DPP6: variants seen among roughly 807,000 people sequenced by gnomAD.
DPP6 encodes the protein dipeptidyl peptidase like 6, also known as A-type potassium channel modulatory protein DPP6.
A neutral mutation model predicts 122.6 loss-of-function variants in DPP6; 69 were observed. That is an observed-to-expected ratio of 0.56 (90% CI 0.46 to 0.69). The LOEUF (loss-of-function observed/expected upper bound fraction) is 0.69, where lower values mean the gene tolerates loss of function less well. Ranked by LOEUF, DPP6 falls within the 30% of genes least tolerant of loss-of-function variation. The pLI, the probability that DPP6 is intolerant of heterozygous loss-of-function variation, is 0.00. For synonymous variants in DPP6, 418 were observed against 433.1 expected, an observed-to-expected ratio of 0.97 and a Z score of 0.43; for missense variants, 928 against 1,116.9, an observed-to-expected ratio of 0.83 and a Z score of 2.41.
chr7:154,540,468 C>T (rs1438365457), intron 3 of DPP6, 64 bp from the exon 4 acceptor site: 15 of 1,003,526 alleles, frequency 1.5e-5, no homozygotes, highest in African/African-American at 9.7e-5. Context: ...CATAAGCATT[C>T]GTCAAAAGTT....
At chr7:154,779,320 C>T in intron 10 of DPP6, among the ~76,000 whole-genome samples, 2 of 149,818 alleles carry the variant, frequency 1.3e-5, no homozygotes, top group Non-Finnish European at 3.0e-5. Flanking sequence ...CCACCATCGC[C>T]TCCACCACCA....
At chr7:154,134,469 T>C (rs1404095557) in intron 1 of DPP6, among the ~76,000 whole-genome samples, 2 of 152,270 alleles carry the variant, frequency 1.3e-5, no homozygotes, top group Non-Finnish European at 2.9e-5. Context: ...TGACTCCCGA[T>C]GTGCTCCTTC....
At chr7:154,090,938 G>C (rs991708498) in intron 1 of DPP6, among the ~76,000 whole-genome samples, 1 of 149,184 alleles carries the variant, frequency 6.7e-6, no homozygotes, top group African/African-American at 2.5e-5. Flanking sequence ...GGCTAACACA[G>C]TGAAACCCCG....
At chr7:153,800,214 A>G in the DPP6 span, among the ~76,000 whole-genome samples, 51 of 152,366 alleles carry the variant, frequency 3.3e-4, no homozygotes, top group African/African-American at 1.2e-3. Flanking sequence ...TACCATATAT[A>G]TACACACAAT....
intron 16 of DPP6, among the ~76,000 whole-genome samples, chr7:154,829,436 A>G (rs55964841): frequency 0.82 from 91,951 of 112,418 alleles, 37,524 homozygotes; most frequent in Non-Finnish European, 0.84. Flanking sequence ...GGAGAGGAGG[A>G]GAGGGGAGGG....
At chr7:154,469,691 A>C (rs888530724) in intron 2 of DPP6, among the ~76,000 whole-genome samples, 15 of 152,246 alleles carry the variant, frequency 9.9e-5, no homozygotes, top group Non-Finnish European at 1.8e-4. Context: ...CTACCGAGGA[A>C]ATAGGAGTAG....
chr7:154,116,298 G>A (rs1806979036), intron 1 of DPP6, among the ~76,000 whole-genome samples: 2 of 152,270 alleles, frequency 1.3e-5, no homozygotes, highest in African/African-American at 4.8e-5. Flanking sequence ...AACTTAGCTT[G>A]TTTTGCAAAA....
intron 3 of DPP6, among the ~76,000 whole-genome samples, chr7:154,480,252 G>T (rs988333120): frequency 1.3e-5 from 2 of 152,094 alleles, no homozygotes; most frequent in African/African-American, 4.8e-5. Context: ...GCTCGGCCTG[G>T]CTTCCCTGTT....
chr7:154,760,233 C>T lies in DPP6; in HGVS notation c.884-9184C>T, dbSNP rs934850838. On this transcript the variant is annotated intron_variant, in intron 8 of 25. Transcript: ENST00000377770. The surrounding 1 kb of genome is among the most constrained non-coding windows in gnomAD (Gnocchi z 4.5). The stretch of plus-strand genomic sequence containing the variant: ...TTTTAAAGGAAAAGGATTCAGCAGG[C>T]GGATTCTGGGATTAGCAGGTGATTG... Among the ~76,000 whole-genome samples the T allele has an allele frequency of 1.3e-5, 2 of 152,132 alleles. No individual in the cohort carries two copies. The highest frequency in any genetic ancestry group is 1.9e-4 in the East Asian group (1 of 5,198).
intron 1 of DPP6, among the ~76,000 whole-genome samples, chr7:154,336,472 G>T (rs1025420897): frequency 6.6e-6 from 1 of 152,114 alleles, no homozygotes; most frequent in Admixed American, 6.6e-5. Flanking sequence ...CCACACGGCC[G>T]CCACTCCTGC....
chr7:154,451,421 G>A (rs1187021431), intron 2 of DPP6, among the ~76,000 whole-genome samples: 1 of 150,394 alleles, frequency 6.6e-6, no homozygotes, highest in Non-Finnish European at 1.5e-5. Flanking sequence ...ACACCGAAAT[G>A]TCCACAGCAG....
intron 1 of DPP6, among the ~76,000 whole-genome samples, chr7:154,284,597 G>A (rs916562788): frequency 8.5e-5 from 13 of 152,234 alleles, no homozygotes; most frequent in African/African-American, 2.4e-4. Context: ...GCTTACGCCC[G>A]TAATCCCAGC....
In DPP6 at chr7:154,323,233, A is replaced by G. The variant is rs1284610140; in HGVS notation, c.244-122981A>G. ...TTTCCGAGATTCACTTTTCCAAGAT[A>G]GCTCTATCGTGAAAGTCTCTTTTGG... On this transcript the variant is annotated intron_variant, in intron 1 of 25. Coordinates refer to ENST00000377770, the MANE Select transcript of DPP6 (RefSeq NM_130797.4). Among the ~76,000 whole-genome samples, 11 of 152,242 alleles carry G rather than the reference A, an allele frequency of 7.2e-5. No individual in the cohort carries two copies. In the East Asian group the frequency reaches 1.3e-3, roughly 19 times the overall value.
intron 4 of DPP6, among the ~76,000 whole-genome samples, chr7:154,554,802 A>G (rs537563126): frequency 6.6e-6 from 1 of 152,298 alleles, no homozygotes; most frequent in East Asian, 1.9e-4. Flanking sequence ...GTGTACCAAA[A>G]TCATAATATG....
chr7:154,524,860 C>T (rs1346652581), intron 3 of DPP6, among the ~76,000 whole-genome samples: 1 of 152,112 alleles, frequency 6.6e-6, no homozygotes, highest in Non-Finnish European at 1.5e-5. Flanking sequence ...AGTCACTTGT[C>T]TCCCCCACTG....
intron 8 of DPP6, among the ~76,000 whole-genome samples, chr7:154,761,694 CT>C (rs35619540): frequency 0.21 from 31,598 of 149,834 alleles, 4,085 homozygotes; most frequent in Non-Finnish European, 0.29. Context: ...AGGCACCACA[CT>C]TTTTTTTTTC....
intron 1 of DPP6, among the ~76,000 whole-genome samples, chr7:153,943,995 C>T (rs1801819103): frequency 1.3e-5 from 2 of 152,298 alleles, no homozygotes; most frequent in South Asian, 4.2e-4. Flanking sequence ...ATAGCTGCTC[C>T]ACGGTTTCCC....
chr7:154,609,877 A>G (rs968039600), intron 5 of DPP6, among the ~76,000 whole-genome samples: 6 of 152,218 alleles, frequency 3.9e-5, no homozygotes, highest in African/African-American at 1.2e-4. Flanking sequence ...TTTGCTTTCA[A>G]TAGATCCATT....
rs147444637 is a variant in DPP6, at chr7:154,165,868, A to G, written c.243+112805A>G. Among the ~76,000 whole-genome samples, 1,122 of 152,348 alleles carry G rather than the reference A, an allele frequency of 7.4e-3. 8 individuals are homozygous for G. The highest frequency in any genetic ancestry group is 0.014 in the Middle Eastern group (4 of 294). On this transcript the variant is annotated intron_variant, in intron 1 of 25. Coordinates refer to ENST00000377770, the MANE Select transcript of DPP6 (RefSeq NM_130797.4). ...TGGGTATTTTATTCCTCAGAAAGAA[A>G]GAGGAGACTCGAACTTCTAAACATA...
Sources: gnomAD v4.1 joint callset for allele counts (sites outside exome capture counted in the v4.1 genomes callset) on GRCh38, gnomAD v4.1.1 for gene constraint, Gnocchi (gnomAD v3.1) non-coding constraint, MANE v1.5 for transcripts, NCBI Gene and HGNC (gene_info 2026-07-23, HGNC 2026-07-21) for gene names.